ERC2: variants seen among roughly 807,000 people sequenced by gnomAD.
ERC2 encodes the protein ERC protein 2.
Under a neutral mutation model 114.8 loss-of-function variants are expected in ERC2, and 42 were observed. The ratio of observed to expected loss-of-function variants is 0.37; its 90% CI spans 0.29 to 0.47. The LOEUF (loss-of-function observed/expected upper bound fraction) is 0.47, where lower values mean the gene tolerates loss of function less well. ERC2 is among the 20% of genes least tolerant of loss of function. ERC2 has a pLI of 0.99. For synonymous variants in ERC2, 454 were observed against 425.5 expected (o/e 1.07, Z -0.82); for missense variants, 939 against 1,150.7 (o/e 0.82, Z 2.66).
At chr3:56,085,372 GC>G (rs1430118319) in intron 6 of ERC2, among the ~76,000 whole-genome samples, 1 of 152,172 alleles carries the variant, frequency 6.6e-6, no homozygotes, top group African/African-American at 2.4e-5. Context: ...AGCCCTAATG[GC>G]CCTGACTGCA....
intron 6 of ERC2, among the ~76,000 whole-genome samples, chr3:56,110,429 A>G (rs918663446): frequency 5.3e-5 from 8 of 152,314 alleles, no homozygotes; most frequent in African/African-American, 1.9e-4. Context: ...ATCATGACAC[A>G]CAGTGTGATT....
intron 3 of ERC2, among the ~76,000 whole-genome samples, chr3:56,231,193 C>T (rs935670857): frequency 1.3e-5 from 2 of 152,186 alleles, no homozygotes; most frequent in African/African-American, 4.8e-5. Flanking sequence ...GCTCGCTAAA[C>T]TGTGGTGCTC....
intron 7 of ERC2, among the ~76,000 whole-genome samples, chr3:56,075,572 A>AT (rs1177611485): frequency 6.6e-6 from 1 of 152,146 alleles, no homozygotes; most frequent in Non-Finnish European, 1.5e-5. Context: ...GTAACGTGCC[A>AT]TATGTTGTTC....
intron 15 of ERC2, among the ~76,000 whole-genome samples, chr3:55,709,929 C>T (rs987352356): frequency 3.9e-5 from 6 of 152,130 alleles, no homozygotes; most frequent in African/African-American, 1.2e-4. Flanking sequence ...GCTGGTCTCA[C>T]GCTTGGGTGA....
intron 15 of ERC2, among the ~76,000 whole-genome samples, chr3:55,720,605 A>G (rs1431903087): frequency 6.6e-6 from 1 of 152,036 alleles, no homozygotes; most frequent in East Asian, 1.9e-4. Context: ...TTTGAAGACA[A>G]TGTTTGCTCA....
intron 17 of ERC2, among the ~76,000 whole-genome samples, chr3:55,565,815 C>G (rs1296276735): frequency 6.6e-6 from 1 of 152,164 alleles, no homozygotes; most frequent in Non-Finnish European, 1.5e-5. Flanking sequence ...ATTTCAGACT[C>G]TGAACTGCAG....
At chr3:55,839,015 CAT>C (rs1277423457) in intron 14 of ERC2, among the ~76,000 whole-genome samples, 3 of 151,752 alleles carry the variant, frequency 2.0e-5, no homozygotes, top group African/African-American at 4.8e-5. Context: ...GCTCAAGAAA[CAT>C]GTGAAAAATT....
chr3:56,398,754 A>G (rs2060410629), intron 2 of ERC2, among the ~76,000 whole-genome samples: 1 of 152,102 alleles, frequency 6.6e-6, no homozygotes, highest in Admixed American at 6.5e-5. Flanking sequence ...CTAAACAGCT[A>G]GGACTGCAGG....
At chr3:55,684,150 T>A (rs1254690715) in intron 16 of ERC2, among the ~76,000 whole-genome samples, 7 of 152,214 alleles carry the variant, frequency 4.6e-5, no homozygotes, top group African/African-American at 1.4e-4. Flanking sequence ...TTAGTCTACA[T>A]TAGCAGATGA....
intron 2 of ERC2, among the ~76,000 whole-genome samples, chr3:56,367,272 T>C (rs892288727): frequency 1.3e-5 from 2 of 152,144 alleles, no homozygotes; most frequent in Non-Finnish European, 2.9e-5. Flanking sequence ...GCATTTTTTT[T>C]TTTTTATTAG....
intron 17 of ERC2, among the ~76,000 whole-genome samples, chr3:55,583,411 CT>C: frequency 8.4e-6 from 1 of 119,022 alleles, no homozygotes; most frequent in Non-Finnish European, 1.8e-5. Context: ...TCCTTCCTTC[CT>C]TCCTTCCTTC....
intron 12 of ERC2, among the ~76,000 whole-genome samples, chr3:55,954,141 GAA>G (rs571121832): frequency 2.0e-5 from 1 of 50,030 alleles, no homozygotes. Flanking sequence ...TTTTTCTCCA[GAA>G]AAAAAAAAAC....
chr3:56,170,890 G>C (rs187252853), intron 4 of ERC2, among the ~76,000 whole-genome samples: 2 of 150,804 alleles, frequency 1.3e-5, no homozygotes, highest in African/African-American at 4.9e-5. Context: ...TCAGCCTCCC[G>C]AGTAGCTGGG....
chr3:56,429,306 T>TA (rs1377694160), intron 2 of ERC2, among the ~76,000 whole-genome samples: 1 of 152,160 alleles, frequency 6.6e-6, no homozygotes, highest in East Asian at 1.9e-4. Flanking sequence ...CACAGGCCAC[T>TA]AAAAATAATA....
In ERC2 at chr3:56,018,885, C is replaced by A; in HGVS notation, c.1779+9G>T. On this transcript the variant is annotated intron_variant, in intron 8 of 17. Transcript: ENST00000288221. The stretch of plus-strand genomic sequence containing the variant: ...ATCCTGATTCCCCAGTTTTTGAGTG[C>A]ATGCTCACCTTCTCTGACAGAGCTT... 6.2e-7 allele frequency: 1 copy of A among 1,607,988 alleles called. No individual in the cohort carries two copies. Among genetic ancestry groups the A allele is most frequent in the Non-Finnish European group, 8.5e-7 (1 of 1,177,898 alleles).
intron 17 of ERC2, among the ~76,000 whole-genome samples, chr3:55,661,395 A>G (rs1441107927): frequency 6.6e-6 from 1 of 152,114 alleles, no homozygotes; most frequent in African/African-American, 2.4e-5. Flanking sequence ...TCTAGAGGCC[A>G]CCTGCAATCC....
intron 1 of ERC2, among the ~76,000 whole-genome samples, chr3:56,466,751 T>A (rs1404221447): frequency 6.6e-6 from 1 of 152,124 alleles, no homozygotes; most frequent in East Asian, 1.9e-4. Flanking sequence ...ACCTTATAAA[T>A]CCATCCAGTA....
intron 1 of ERC2, among the ~76,000 whole-genome samples, chr3:56,436,255 T>A (rs1247845709): frequency 1.3e-5 from 2 of 152,228 alleles, no homozygotes; most frequent in Admixed American, 6.5e-5. Flanking sequence ...ATTATTTAAC[T>A]TGTTATGAGC....
intron 2 of ERC2, among the ~76,000 whole-genome samples, chr3:56,379,978 G>C (rs965904408): frequency 6.6e-6 from 1 of 152,156 alleles, no homozygotes; most frequent in Non-Finnish European, 1.5e-5. Context: ...CGTTAGGGCT[G>C]AGTAATGATT....
Sources: allele counts gnomAD v4.1 joint callset (sites outside exome capture counted in the v4.1 genomes callset), GRCh38; gene constraint gnomAD v4.1.1; transcripts MANE v1.5; gene names NCBI Gene and HGNC (gene_info 2026-07-23, HGNC 2026-07-21).